Variants in TP53INP2 observed in about 807,000 individuals in gnomAD.
TP53INP2 encodes the protein tumor protein p53 inducible nuclear protein 2, also known as tumor protein p53-inducible nuclear protein 2.
TP53INP2 carries 12 observed loss-of-function variants against 17.1 expected under a neutral mutation model. The observed-to-expected ratio is 0.70, with a 90% confidence interval of 0.45 to 1.14. The LOEUF is 1.14. Ranked by LOEUF, TP53INP2 falls within the 50% of genes most tolerant of loss-of-function variation. TP53INP2 has a pLI of 0.00. For synonymous variants in TP53INP2, 145 were observed against 147.3 expected (o/e 0.98, Z 0.12); for missense variants, 342 against 330.9 (o/e 1.03, Z -0.26).
In TP53INP2 at chr20:34,709,229, C is replaced by G; in HGVS notation, c.125-7C>G. The stretch of plus-strand genomic sequence containing the variant: ...CCTCTGCACGGCTCCCATCCCGCGC[C>G]CCGTAGACAGCTACGCGGCTCCACC... On this transcript the variant is annotated splice_polypyrimidine_tract_variant and splice_region_variant and intron_variant, in intron 3 of 4. Coordinates refer to ENST00000374810, the MANE Select transcript of TP53INP2 (RefSeq NM_021202.3). This position sits in a 1 kb window ranked among gnomAD's most constrained non-coding sequence, Gnocchi z 5.4. 6.4e-7 allele frequency: 1 copy of G among 1,550,698 alleles called. No individual in the cohort carries two copies. Among genetic ancestry groups the G allele is most frequent in the South Asian group, 1.2e-5 (1 of 84,700 alleles).
chr20:34,713,121 T>C lies in TP53INP2; in HGVS notation c.*2814T>C, dbSNP rs1988252338. 6.5e-6 allele frequency: 1 copy of C among 152,680 alleles called. No homozygotes were observed. The highest frequency in any genetic ancestry group is 1.5e-5 in the Non-Finnish European group (1 of 68,062). The allele number at this position is 152,680 out of a possible 1,614,324, so 9.5% of individuals were successfully genotyped here. ...ACCCCCCTAGATCCATGTGGCTTTA[T>C]GTGAGGGGACTGAATGCAGACACAC... On this transcript the variant is annotated 3_prime_UTR_variant, in exon 5 of 5. Coordinates refer to ENST00000374810, the MANE Select transcript of TP53INP2 (RefSeq NM_021202.3).
In TP53INP2 at chr20:34,710,317, G is replaced by T; in HGVS notation, c.*10G>T. Reference sequence around the variant, plus strand: ...CCAGTTCAACTACTGAGCGTCCACCGGCCGCGCCACGAACCCCTTGCCGAT... The same window carrying T: ...CCAGTTCAACTACTGAGCGTCCACCTGCCGCGCCACGAACCCCTTGCCGAT... On this transcript the variant is annotated 3_prime_UTR_variant, in exon 5 of 5. Coordinates refer to ENST00000374810, the MANE Select transcript of TP53INP2 (RefSeq NM_021202.3). This position sits in a 1 kb window ranked among gnomAD's most constrained non-coding sequence, Gnocchi z 4.9. 7.4e-7 allele frequency: 1 copy of T among 1,359,672 alleles called. No individual in the cohort carries two copies. Among genetic ancestry groups the T allele is most frequent in the South Asian group, 2.0e-5 (1 of 51,234 alleles). 84.2% of individuals were successfully genotyped at this position (1,359,672 alleles called of 1,614,324 possible).
Position 34,710,012 on chromosome 20 carries a change from C to CCA in TP53INP2, c.414-45_414-44insAC. ...GAGATGGCAGCGCCCTCTAGACCCC[C>CCA]CGCCCAGCTTACCCGGCTTGACCGA... On this transcript the variant is annotated intron_variant, in intron 4 of 4. Coordinates refer to ENST00000374810, the MANE Select transcript of TP53INP2 (RefSeq NM_021202.3). This position sits in a 1 kb window ranked among gnomAD's most constrained non-coding sequence, Gnocchi z 4.9. The CCA allele has an allele frequency of 3.1e-6, 4 of 1,277,464 alleles. No homozygotes were observed. The highest frequency in any genetic ancestry group is 4.0e-6 in the Non-Finnish European group (4 of 1,008,264). The allele number at this position is 1,277,464 out of a possible 1,614,324, so 79.1% of individuals were successfully genotyped here. A position where few individuals can be genotyped will look rare whatever the true frequency, so the allele number is the denominator to read the frequency against.
chr20:34,708,287 T>C (rs1385178411), intron 2 of TP53INP2, among the ~76,000 whole-genome samples: 1 of 152,206 alleles, frequency 6.6e-6, no homozygotes, highest in East Asian at 1.9e-4. Flanking sequence ...CTAAGCACTT[T>C]ATAAGTGTTT....
chr20:34,708,612 TATCTTCTGGCCTCTTCCCCAGGCCA>T, intron 2 of TP53INP2, 54 bp from the exon 3 acceptor site: 2 of 782,382 alleles, frequency 2.6e-6, no homozygotes, highest in Non-Finnish European at 4.1e-6. Context: ...CTGGGGGTGA[TATCTTCTGGCCTCTTCCCCAGGCCA>T]GGAGTGGGGT....
chr20:34,710,373 C>A lies in TP53INP2; in HGVS notation c.*66C>A. Reference sequence around the variant, plus strand: ...TCCCTGTCGGGCTCCTCCGACTCCTCGGGCTGGACACCGAAACCTCCCTTC... The same window carrying A: ...TCCCTGTCGGGCTCCTCCGACTCCTAGGGCTGGACACCGAAACCTCCCTTC... On this transcript the variant is annotated 3_prime_UTR_variant, in exon 5 of 5. Coordinates refer to ENST00000374810, the MANE Select transcript of TP53INP2 (RefSeq NM_021202.3). The surrounding 1 kb of genome is among the most constrained non-coding windows in gnomAD (Gnocchi z 4.9). The A allele has an allele frequency of 7.9e-7, 1 of 1,259,634 alleles. No individual in the cohort carries two copies. The highest frequency in any genetic ancestry group is 1.0e-6 in the Non-Finnish European group (1 of 996,954). 78.0% of individuals were successfully genotyped at this position (1,259,634 alleles called of 1,614,324 possible). A position where few individuals can be genotyped will look rare whatever the true frequency, so the allele number is the denominator to read the frequency against.
At chr20:34,707,142 C>T (rs1427729567) in intron 2 of TP53INP2, among the ~76,000 whole-genome samples, 1 of 152,164 alleles carries the variant, frequency 6.6e-6, no homozygotes, top group Non-Finnish European at 1.5e-5. Context: ...CTTAAGGGCT[C>T]CTGGGAACTG....
At position 34,710,980 on chromosome 20, in the gene TP53INP2, G is replaced by T. The variant is rs576562824; in HGVS notation, c.*673G>T. On this transcript the variant is annotated 3_prime_UTR_variant, in exon 5 of 5. Coordinates refer to ENST00000374810, the MANE Select transcript of TP53INP2 (RefSeq NM_021202.3). The surrounding 1 kb of genome is among the most constrained non-coding windows in gnomAD (Gnocchi z 4.9). ...GACTGTGAGACGTGAGTTAGAGGGA[G>T]AAGATGGAGGGAATCTAGGGAACGA... 2.0e-5 allele frequency: 3 copies of T among 152,954 alleles called. No individual in the cohort carries two copies. Among genetic ancestry groups the T allele is most frequent in the Admixed American group, 6.5e-5 (1 of 15,300 alleles). 9.5% of individuals were successfully genotyped at this position (152,954 alleles called of 1,614,324 possible). A position where few individuals can be genotyped will look rare whatever the true frequency, so the allele number is the denominator to read the frequency against.
chr20:34,709,304 T>A lies in TP53INP2; in HGVS notation c.193T>A (p.Ser65Thr). Residue 65 changes from serine to threonine, a missense_variant, in exon 4 of 5, where the codon TCC (serine) becomes ACC (threonine). Coordinates refer to ENST00000374810, the MANE Select transcript of TP53INP2 (RefSeq NM_021202.3). The surrounding 1 kb of genome is among the most constrained non-coding windows in gnomAD (Gnocchi z 5.4). ...CGCGGGCCGCCCTCCGCCCGCGCCC[T>A]CCTTGATGGACGAGAGCTGGTTTGT... ...APAGRPPPAP[S>T]LMDESWFVTP... The A allele has an allele frequency of 6.2e-7, 1 of 1,611,980 alleles. No individual in the cohort carries two copies. Among genetic ancestry groups the A allele is most frequent in the Non-Finnish European group, 8.5e-7 (1 of 1,179,334 alleles).
chr20:34,709,958 GAC>G lies in TP53INP2; in HGVS notation c.414-96_414-95del, dbSNP rs1220352052. On this transcript the variant is annotated intron_variant, in intron 4 of 4. Transcript: ENST00000374810. This position sits in a 1 kb window ranked among gnomAD's most constrained non-coding sequence, Gnocchi z 5.4. ...GGCGTCGGGCACCCCAATCTGAACA[GAC>G]ACAGAACTGAGCCGAAGCAAGGGTG... The G allele has an allele frequency of 2.4e-5, 30 of 1,234,398 alleles. No individual in the cohort carries two copies. The highest frequency in any genetic ancestry group is 3.2e-5 in the African/African-American group (2 of 63,396). 76.5% of individuals were successfully genotyped at this position (1,234,398 alleles called of 1,614,324 possible).
At position 34,710,333 on chromosome 20, in the gene TP53INP2, C is replaced by T; in HGVS notation, c.*26C>T. On this transcript the variant is annotated 3_prime_UTR_variant, in exon 5 of 5. Transcript: ENST00000374810. This position sits in a 1 kb window ranked among gnomAD's most constrained non-coding sequence, Gnocchi z 4.9. Reference sequence around the variant, plus strand: ...GCGTCCACCGGCCGCGCCACGAACCCCTTGCCGATCCCGATCCCTGTCGGG... The same window carrying T: ...GCGTCCACCGGCCGCGCCACGAACCTCTTGCCGATCCCGATCCCTGTCGGG... The T allele has an allele frequency of 7.5e-7, 1 of 1,329,948 alleles. No homozygotes were observed. The highest frequency in any genetic ancestry group is 9.7e-7 in the Non-Finnish European group (1 of 1,030,012). 82.4% of individuals were successfully genotyped at this position (1,329,948 alleles called of 1,614,324 possible).
chr20:34,713,124 G>A lies in TP53INP2; in HGVS notation c.*2817G>A, dbSNP rs2146833443. The A allele has an allele frequency of 6.5e-6, 1 of 152,810 alleles. No individual in the cohort carries two copies. Among genetic ancestry groups the A allele is most frequent in the East Asian group, 1.9e-4 (1 of 5,184 alleles). The allele number at this position is 152,810 out of a possible 1,614,324, so 9.5% of individuals were successfully genotyped here. ...CCCCTAGATCCATGTGGCTTTATGT[G>A]AGGGGACTGAATGCAGACACACCAT... On this transcript the variant is annotated 3_prime_UTR_variant, in exon 5 of 5. Transcript: ENST00000374810.
Position 34,710,025 on chromosome 20 carries a change from C to A in TP53INP2, c.414-33C>A. On this transcript the variant is annotated intron_variant, in intron 4 of 4. Coordinates refer to ENST00000374810, the MANE Select transcript of TP53INP2 (RefSeq NM_021202.3). This position sits in a 1 kb window ranked among gnomAD's most constrained non-coding sequence, Gnocchi z 4.9. ...CCTCTAGACCCCCCGCCCAGCTTAC[C>A]CGGCTTGACCGAGCCTGGCTCTGTC... is the stretch of plus-strand genomic sequence containing the variant. 7.8e-7 allele frequency: 1 copy of A among 1,276,656 alleles called. No homozygotes were observed. Among genetic ancestry groups the A allele is most frequent in the East Asian group, 3.1e-5 (1 of 32,336 alleles). 79.1% of individuals were successfully genotyped at this position (1,276,656 alleles called of 1,614,324 possible).
chr20:34,709,130 G>T lies in TP53INP2; in HGVS notation c.125-106G>T, dbSNP rs2146826312. The T allele has an allele frequency of 1.4e-6, 2 of 1,451,416 alleles. No individual in the cohort carries two copies. The highest frequency in any genetic ancestry group is 1.8e-6 in the Non-Finnish European group (2 of 1,105,660). The allele number at this position is 1,451,416 out of a possible 1,614,324, so 89.9% of individuals were successfully genotyped here. On this transcript the variant is annotated intron_variant, in intron 3 of 4. Transcript: ENST00000374810. The surrounding 1 kb of genome is among the most constrained non-coding windows in gnomAD (Gnocchi z 5.4). ...CGGACGGGCTGCGGGTCTGACTAAC[G>T]ATGCCCTTTCTCTCCCCGCCCCCTT...
rs1988178447 is a variant in TP53INP2 at position 34,711,014 on chromosome 20, A to G, written c.*707A>G. The G allele has an allele frequency of 6.5e-6, 1 of 153,048 alleles. No homozygotes were observed. The highest frequency in any genetic ancestry group is 6.5e-5 in the Admixed American group (1 of 15,284). 9.5% of individuals were successfully genotyped at this position (153,048 alleles called of 1,614,324 possible). Reference sequence around the variant, plus strand: ...GGGAATCTAGGGAACGAGGCAGCCTATTGGAGATGCGGACAGGACAGACAC... The same window carrying G: ...GGGAATCTAGGGAACGAGGCAGCCTGTTGGAGATGCGGACAGGACAGACAC... On this transcript the variant is annotated 3_prime_UTR_variant, in exon 5 of 5. Transcript: ENST00000374810. The surrounding 1 kb of genome is among the most constrained non-coding windows in gnomAD (Gnocchi z 4.1).
In TP53INP2 at chr20:34,710,386, G is replaced by A. The variant is rs1988158654; in HGVS notation, c.*79G>A. On this transcript the variant is annotated 3_prime_UTR_variant, in exon 5 of 5. Transcript: ENST00000374810. The surrounding 1 kb of genome is among the most constrained non-coding windows in gnomAD (Gnocchi z 4.9). ...CCTCCGACTCCTCGGGCTGGACACCGAAACCTCCCTTCTTAAAGCGTGTGA... is the reference window on the plus strand; with the variant it reads ...CCTCCGACTCCTCGGGCTGGACACCAAAACCTCCCTTCTTAAAGCGTGTGA... 8.0e-7 allele frequency: 1 copy of A among 1,242,970 alleles called. No individual in the cohort carries two copies. The highest frequency in any genetic ancestry group is 3.3e-5 in the South Asian group (1 of 30,008). The allele number at this position is 1,242,970 out of a possible 1,614,324, so 77.0% of individuals were successfully genotyped here.
chr20:34,709,995 A>C lies in TP53INP2; in HGVS notation c.414-63A>C. 8.7e-7 allele frequency: 1 copy of C among 1,145,306 alleles called. No individual in the cohort carries two copies. Among genetic ancestry groups the C allele is most frequent in the Non-Finnish European group, 1.1e-6 (1 of 939,444 alleles). 70.9% of individuals were successfully genotyped at this position (1,145,306 alleles called of 1,614,324 possible). A position where few individuals can be genotyped will look rare whatever the true frequency, so the allele number is the denominator to read the frequency against. ...AGCCGAAGCAAGGGTGGGAGATGGCAGCGCCCTCTAGACCCCCCGCCCAGC... is the reference window on the plus strand; with the variant it reads ...AGCCGAAGCAAGGGTGGGAGATGGCCGCGCCCTCTAGACCCCCCGCCCAGC... On this transcript the variant is annotated intron_variant, in intron 4 of 4. Coordinates refer to ENST00000374810, the MANE Select transcript of TP53INP2 (RefSeq NM_021202.3). This position sits in a 1 kb window ranked among gnomAD's most constrained non-coding sequence, Gnocchi z 5.4.
rs762007502 is a variant in TP53INP2, at chr20:34,708,736, C to T, written c.-4C>T. 49 of 1,574,496 alleles carry T rather than the reference C, an allele frequency of 3.1e-5. No individual in the cohort carries two copies. The highest frequency in any genetic ancestry group is 4.1e-5 in the Non-Finnish European group (48 of 1,160,772). On this transcript the variant is annotated 5_prime_UTR_variant, in exon 3 of 5. Transcript: ENST00000374810. ...CGCCCCCGTGAGGCGCTTCGCCCCC[C>T]ACCATGTTCCAGCGCCTCTCCAGCC... is the stretch of plus-strand genomic sequence containing the variant.
chr20:34,709,778 G>C lies in TP53INP2; in HGVS notation c.413+254G>C, dbSNP rs1055007540. ...CCAAGAGGCTGGGGCCGGGGTTGGA[G>C]GCTTGAGGAGCGTGGCTGGAGCGCC... On this transcript the variant is annotated intron_variant, in intron 4 of 4. Coordinates refer to ENST00000374810, the MANE Select transcript of TP53INP2 (RefSeq NM_021202.3). This position sits in a 1 kb window ranked among gnomAD's most constrained non-coding sequence, Gnocchi z 5.4. Among the ~76,000 whole-genome samples the C allele has an allele frequency of 6.0e-5, 9 of 149,386 alleles. No homozygotes were observed. Among genetic ancestry groups the C allele is most frequent in the Non-Finnish European group, 1.0e-4 (7 of 67,992 alleles).
Sources: allele counts gnomAD v4.1 joint callset (sites outside exome capture counted in the v4.1 genomes callset), GRCh38; gene constraint gnomAD v4.1.1; non-coding constraint Gnocchi (gnomAD v3.1); transcripts MANE v1.5; gene names NCBI Gene and HGNC (gene_info 2026-07-23, HGNC 2026-07-21).